PSTPIP2: variants seen among roughly 807,000 people sequenced by gnomAD.
PSTPIP2 encodes the protein proline-serine-threonine phosphatase-interacting protein 2.
In PSTPIP2, 33 loss-of-function variants were observed where a neutral mutation model predicts 63.3. That is an observed-to-expected ratio of 0.52 (90% CI 0.40 to 0.70). The LOEUF (loss-of-function observed/expected upper bound fraction) is 0.70. Among genes scored for constraint, PSTPIP2 ranks in the 30% least tolerant of loss-of-function variants. PSTPIP2 has a pLI of 0.00. For missense variants in PSTPIP2, 312 were observed against 400.7 expected, an observed-to-expected ratio of 0.78 and a Z score of 1.89; for synonymous variants, 125 against 132.7, an observed-to-expected ratio of 0.94 and a Z score of 0.40.
At chr18:46,071,869 C>A (rs768740800) in intron 1 of PSTPIP2, among the ~76,000 whole-genome samples, 1 of 152,218 alleles carries the variant, frequency 6.6e-6, no homozygotes, top group Non-Finnish European at 1.5e-5. Context: ...CTGCTGGGGG[C>A]GCGGGCGGCA....
At chr18:46,007,438 A>G (rs908121135) in intron 5 of PSTPIP2, among the ~76,000 whole-genome samples, 1 of 152,254 alleles carries the variant, frequency 6.6e-6, no homozygotes, top group Admixed American at 6.5e-5. Flanking sequence ...GGAGCCCAGC[A>G]TGGAAAGACA....
intron 1 of PSTPIP2, 67 bp downstream of exon 1, chr18:46,072,089 G>C: frequency 6.7e-7 from 1 of 1,503,180 alleles, no homozygotes; most frequent in Non-Finnish European, 8.9e-7. Flanking sequence ...CCCCACGCCC[G>C]CCGCGTTGGC....
chr18:46,066,107 A>G (rs900897903), intron 1 of PSTPIP2, among the ~76,000 whole-genome samples: 3 of 151,884 alleles, frequency 2.0e-5, no homozygotes, highest in African/African-American at 4.8e-5. Context: ...TGGGAGGCCA[A>G]GGCAGGCAGA....
intron 2 of PSTPIP2, among the ~76,000 whole-genome samples, chr18:46,039,003 C>T (rs935978068): frequency 6.6e-6 from 1 of 152,284 alleles, no homozygotes; most frequent in South Asian, 2.1e-4. Context: ...TAAGTTTGAT[C>T]GTTACCTAAT....
intron 2 of PSTPIP2, among the ~76,000 whole-genome samples, chr18:46,030,252 C>T (rs964276239): frequency 1.8e-4 from 28 of 152,090 alleles, no homozygotes; most frequent in African/African-American, 3.9e-4. Context: ...CTTGATATAT[C>T]GTCTCAGAAA....
At chr18:46,038,175 T>C (rs1908052744) in intron 2 of PSTPIP2, among the ~76,000 whole-genome samples, 1 of 152,232 alleles carries the variant, frequency 6.6e-6, no homozygotes, top group Non-Finnish European at 1.5e-5. Context: ...TCCCCCGACC[T>C]CAGCCTCCTG....
chr18:46,028,776 G>A, intron 2 of PSTPIP2: 2 of 1,137,416 alleles, frequency 1.8e-6, no homozygotes, highest in Non-Finnish European at 2.7e-6. Context: ...AGCATGCCGT[G>A]GGAGGAGTAC....
At chr18:46,035,763 AC>A (rs35368706) in intron 2 of PSTPIP2, among the ~76,000 whole-genome samples, 1 of 151,996 alleles carries the variant, frequency 6.6e-6, no homozygotes, top group Non-Finnish European at 1.5e-5. Flanking sequence ...GTTGTATGAG[AC>A]CCCCATCCTC....
In PSTPIP2 at chr18:46,072,108, C is replaced by T. The variant is rs796802471; in HGVS notation, c.33+48G>A. 6 of 1,514,218 alleles carry T rather than the reference C, an allele frequency of 4.0e-6. No homozygotes were observed. The African/African-American group carries it at 4.3e-5, about 11-fold the overall frequency. 93.8% of individuals were successfully genotyped at this position (1,514,218 alleles called of 1,614,324 possible). A position where few individuals can be genotyped will look rare whatever the true frequency, so the allele number is the denominator to read the frequency against. ...ACGCCCGCCGCGTTGGCCTCCCGCCCGGGCCGGGTCCTGAGCCCCGCGATC... is the reference window on the plus strand; with the variant it reads ...ACGCCCGCCGCGTTGGCCTCCCGCCTGGGCCGGGTCCTGAGCCCCGCGATC... On this transcript the variant is annotated intron_variant, in intron 1 of 14. Transcript: ENST00000409746.
intron 3 of PSTPIP2, among the ~76,000 whole-genome samples, chr18:46,018,967 C>T (rs1341583161): frequency 1.3e-5 from 2 of 152,154 alleles, no homozygotes; most frequent in Non-Finnish European, 2.9e-5. Flanking sequence ...AAGACCATGA[C>T]TCATTTTTCA....
intron 5 of PSTPIP2, among the ~76,000 whole-genome samples, chr18:46,008,921 C>G (rs1045985052): frequency 6.6e-6 from 1 of 152,158 alleles, no homozygotes; most frequent in South Asian, 2.1e-4. Context: ...TACAGCCTTT[C>G]ACCCCACTGG....
chr18:45,985,225 G>A lies in PSTPIP2; in HGVS notation c.*234C>T. On this transcript the variant is annotated 3_prime_UTR_variant, in exon 15 of 15. Coordinates refer to ENST00000409746, the MANE Select transcript of PSTPIP2 (RefSeq NM_024430.4). The stretch of plus-strand genomic sequence containing the variant: ...ATTCATTCATAACCTGAGTAACTGG[G>A]AAAGAATAATTCTTCAGAATGGGGC... The A allele has an allele frequency of 1.8e-6, 1 of 558,630 alleles. No homozygotes were observed. The highest frequency in any genetic ancestry group is 3.1e-6 in the Non-Finnish European group (1 of 321,700). 34.6% of individuals were successfully genotyped at this position (558,630 alleles called of 1,614,324 possible).
intron 2 of PSTPIP2, among the ~76,000 whole-genome samples, chr18:46,025,391 C>G (rs1907540653): frequency 6.6e-6 from 1 of 152,114 alleles, no homozygotes; most frequent in South Asian, 2.1e-4. Context: ...CAGCACCTTC[C>G]CACTCTCTTC....
At chr18:45,988,044 C>T (rs948634046) in intron 14 of PSTPIP2, among the ~76,000 whole-genome samples, 20 of 152,096 alleles carry the variant, frequency 1.3e-4, no homozygotes, top group Non-Finnish European at 8.8e-5. Context: ...AAGCTAAAAT[C>T]TAAATTACTT....
At chr18:46,068,533 C>G (rs936384668) in intron 1 of PSTPIP2, among the ~76,000 whole-genome samples, 1 of 151,750 alleles carries the variant, frequency 6.6e-6, no homozygotes, top group Admixed American at 6.6e-5. Flanking sequence ...CTCCTGACCT[C>G]GTGATCCACC....
intron 5 of PSTPIP2, among the ~76,000 whole-genome samples, chr18:46,008,472 T>G (rs1278626084): frequency 4.2e-5 from 6 of 143,592 alleles, no homozygotes; most frequent in Non-Finnish European, 7.4e-5. Flanking sequence ...TGACCACACC[T>G]GGCTAATTTT....
In PSTPIP2 at chr18:46,022,915, C is replaced by A. The variant is rs1274859527; in HGVS notation, c.212+1694G>T. On this transcript the variant is annotated intron_variant, in intron 3 of 14. Transcript: ENST00000409746. ...ATAAAGAAAATGTGGTACATATACA[C>A]CATGGAACACTACGAAGCCATAAAA... 2.0e-5 allele frequency among the ~76,000 whole-genome samples: 3 copies of A among 152,160 alleles called. No individual in the cohort carries two copies. The East Asian group carries it at 5.8e-4, about 29-fold the overall frequency.
At chr18:45,994,353 A>G (rs993377110) in intron 9 of PSTPIP2, among the ~76,000 whole-genome samples, 1 of 152,160 alleles carries the variant, frequency 6.6e-6, no homozygotes, top group Admixed American at 6.5e-5. Flanking sequence ...TTTTAACATG[A>G]ATGAATTTTA....
chr18:45,998,648 T>C (rs1294030152), intron 8 of PSTPIP2, 146 bp downstream of exon 8: 1 of 798,042 alleles, frequency 1.3e-6, no homozygotes, highest in Non-Finnish European at 1.9e-6. Context: ...TTCCTCCCTT[T>C]TTCCCTTCAG....
Sources: gnomAD v4.1 joint callset for allele counts (sites outside exome capture counted in the v4.1 genomes callset) on GRCh38, gnomAD v4.1.1 for gene constraint, MANE v1.5 for transcripts, NCBI Gene and HGNC (gene_info 2026-07-23, HGNC 2026-07-21) for gene names.